AOAH: variants seen among roughly 807,000 people sequenced by gnomAD.
The protein encoded by AOAH is acyloxyacyl hydrolase (neutrophil).
A neutral mutation model predicts 92.2 loss-of-function variants in AOAH; 64 were observed. The ratio of observed to expected loss-of-function variants is 0.69; its 90% CI spans 0.57 to 0.86. The LOEUF is 0.86. Among genes scored for constraint, AOAH ranks in the 40% least tolerant of loss-of-function variants. AOAH has a pLI of 0.00. For missense variants in AOAH, 656 were observed against 694.6 expected (o/e 0.94, Z 0.62); for synonymous variants, 263 against 254.5 (o/e 1.03, Z -0.32).
chr7:36,593,672 T>C (rs1263387325), intron 12 of AOAH, among the ~76,000 whole-genome samples: 4 of 152,244 alleles, frequency 2.6e-5, no homozygotes, highest in Non-Finnish European at 5.9e-5. Flanking sequence ...TTGCCTCTCA[T>C]ATCTGTGACA....
chr7:36,640,758 T>A (rs909509290), intron 4 of AOAH, among the ~76,000 whole-genome samples: 7 of 151,938 alleles, frequency 4.6e-5, no homozygotes, highest in African/African-American at 1.7e-4. Context: ...TACCCAACAA[T>A]AAAGTGAATA....
Position 36,591,900 on chromosome 7 carries a change from GT to G in AOAH, c.938+2438del, listed in dbSNP as rs199993138. On this transcript the variant is annotated intron_variant, in intron 12 of 20. Transcript: ENST00000617537. ...GAGATGAGGAAACATGTTTTTATCT[GT>G]TTGCTGGGCATGGTGAATGGATTCC... is the stretch of plus-strand genomic sequence containing the variant. Among the ~76,000 whole-genome samples, 205 of 152,326 alleles carry G rather than the reference GT, an allele frequency of 1.3e-3. 3 individuals are homozygous for G. The East Asian group carries it at 0.027, about 20-fold the overall frequency.
intron 20 of AOAH, among the ~76,000 whole-genome samples, chr7:36,518,767 C>A (rs912279317): frequency 6.6e-6 from 1 of 152,142 alleles, no homozygotes; most frequent in Non-Finnish European, 1.5e-5. Context: ...AAGCCAGAAG[C>A]GGTTTCAGAG....
At chr7:36,678,652 T>C (rs2116702564) in intron 2 of AOAH, among the ~76,000 whole-genome samples, 1 of 150,306 alleles carries the variant, frequency 6.7e-6, no homozygotes, top group Non-Finnish European at 1.5e-5. Context: ...AGAGGATGGC[T>C]GCAGGTTCCT....
chr7:36,686,809 A>G lies in AOAH; in HGVS notation c.128-15T>C, dbSNP rs1797047055. On this transcript the variant is annotated splice_polypyrimidine_tract_variant and intron_variant, in intron 1 of 20. Coordinates refer to ENST00000617537, the MANE Select transcript of AOAH (RefSeq NM_001637.4). ...CAGCACACACCCTGCCAGGGAGGAGAAGAACATGTAATCTGTGTCACACAG... is the reference window on the plus strand; with the variant it reads ...CAGCACACACCCTGCCAGGGAGGAGGAGAACATGTAATCTGTGTCACACAG... The G allele has an allele frequency of 2.7e-6, 4 of 1,508,414 alleles. No individual in the cohort carries two copies. Among genetic ancestry groups the G allele is most frequent in the Admixed American group, 2.2e-5 (1 of 46,470 alleles). The allele number at this position is 1,508,414 out of a possible 1,614,324, so 93.4% of individuals were successfully genotyped here.
chr7:36,649,773 T>C (rs1216853690), intron 4 of AOAH, among the ~76,000 whole-genome samples: 1 of 152,174 alleles, frequency 6.6e-6, no homozygotes, highest in African/African-American at 2.4e-5. Flanking sequence ...ACCACTGCTG[T>C]TTGCCGCCGT....
intron 19 of AOAH, among the ~76,000 whole-genome samples, chr7:36,528,768 AAAG>A: frequency 6.6e-6 from 1 of 152,278 alleles, no homozygotes; most frequent in South Asian, 2.1e-4. Flanking sequence ...GCTAATAAAA[AAAG>A]ATGTTTTGTT....
chr7:36,587,271 C>CAA (rs57475443), intron 12 of AOAH, among the ~76,000 whole-genome samples: 36 of 84,766 alleles, frequency 4.2e-4, no homozygotes, highest in Admixed American at 8.0e-4. Context: ...GACTCCGTCT[C>CAA]AAAAAAAAAA....
intron 1 of AOAH, among the ~76,000 whole-genome samples, chr7:36,711,689 G>C (rs1006644811): frequency 2.6e-5 from 4 of 152,228 alleles, no homozygotes; most frequent in African/African-American, 9.6e-5. Context: ...GCAGAGGGCA[G>C]TAGCTGTGTC....
chr7:36,547,242 C>T (rs1033447920), intron 15 of AOAH, among the ~76,000 whole-genome samples: 2 of 152,182 alleles, frequency 1.3e-5, no homozygotes, highest in Admixed American at 6.5e-5. Flanking sequence ...CAGAATGTAG[C>T]CTTGGCCAAC....
chr7:36,718,589 A>C (rs1279282620), intron 1 of AOAH, among the ~76,000 whole-genome samples: 1 of 152,254 alleles, frequency 6.6e-6, no homozygotes, highest in African/African-American at 2.4e-5. Flanking sequence ...AACAAAACCA[A>C]GTATGTCCAT....
At chr7:36,680,033 T>C (rs972147938) in intron 2 of AOAH, among the ~76,000 whole-genome samples, 1 of 152,220 alleles carries the variant, frequency 6.6e-6, no homozygotes, top group Admixed American at 6.5e-5. Flanking sequence ...ATGAAGTGCC[T>C]TCTTTCTTTT....
Position 36,724,359 on chromosome 7 carries a change from CTT to C in AOAH, c.-213_-212del, listed in dbSNP as rs1440687143. 2.2e-6 allele frequency: 1 copy of C among 444,620 alleles called. No homozygotes were observed. The highest frequency in any genetic ancestry group is 4.1e-6 in the Non-Finnish European group (1 of 243,708). 27.5% of individuals were successfully genotyped at this position (444,620 alleles called of 1,614,324 possible). Reference sequence around the variant, plus strand: ...AACACTCACAGACCCACAGCTTGCTCTTGTTGGACCCTGAGAGAGCCACACAC... The same window carrying C: ...AACACTCACAGACCCACAGCTTGCTCGTTGGACCCTGAGAGAGCCACACAC... On this transcript the variant is annotated 5_prime_UTR_variant, in exon 1 of 21. Transcript: ENST00000617537.
intron 16 of AOAH, among the ~76,000 whole-genome samples, chr7:36,532,949 T>C (rs540574537): frequency 6.6e-6 from 1 of 152,318 alleles, no homozygotes; most frequent in Non-Finnish European, 1.5e-5. Flanking sequence ...CAGTACCTCA[T>C]GTCTCTGTGG....
At chr7:36,696,179 C>T (rs1268999480) in intron 1 of AOAH, among the ~76,000 whole-genome samples, 1 of 152,188 alleles carries the variant, frequency 6.6e-6, no homozygotes, top group African/African-American at 2.4e-5. Context: ...GTATCAGTTA[C>T]TGTAGTACTT....
rs755343712 is a variant in AOAH, at chr7:36,513,400, G to A, written c.1600-20C>T. On this transcript the variant is annotated intron_variant, in intron 20 of 20. Coordinates refer to ENST00000617537, the MANE Select transcript of AOAH (RefSeq NM_001637.4). ...AGCCACCTGTGAGAGAGAACCCAAA[G>A]GACGAGGAAAAGGGAAATTAGGACA... 7 of 1,609,316 alleles carry A rather than the reference G, an allele frequency of 4.3e-6. No homozygotes were observed. In the Admixed American group the frequency reaches 1.0e-4, roughly 23 times the overall value.
intron 2 of AOAH, among the ~76,000 whole-genome samples, chr7:36,679,769 T>C (rs929710474): frequency 6.6e-6 from 1 of 152,152 alleles, no homozygotes; most frequent in Non-Finnish European, 1.5e-5. Context: ...GCAATTCTTC[T>C]GCGTCAGCCT....
rs1783747610 is a variant in AOAH, at chr7:36,516,835, A to C, written c.1600-3455T>G. ...GGGAGGAGACAGGGTGAGGGCAAGA[A>C]GAGGGAAACGAAAATGAAAGAGCTC... On this transcript the variant is annotated intron_variant, in intron 20 of 20. Transcript: ENST00000617537. The surrounding 1 kb of genome is among the most constrained non-coding windows in gnomAD (Gnocchi z 5.0). Among the ~76,000 whole-genome samples the C allele has an allele frequency of 6.6e-6, 1 of 152,240 alleles. No individual in the cohort carries two copies. Among genetic ancestry groups the C allele is most frequent in the South Asian group, 2.1e-4 (1 of 4,832 alleles).
chr7:36,601,330 T>C (rs1790567767), intron 11 of AOAH, among the ~76,000 whole-genome samples: 1 of 151,864 alleles, frequency 6.6e-6, no homozygotes, highest in African/African-American at 2.4e-5. Flanking sequence ...CTATGATTCA[T>C]TATACACACA....
Sources: gnomAD v4.1 joint callset for allele counts (sites outside exome capture counted in the v4.1 genomes callset) on GRCh38, gnomAD v4.1.1 for gene constraint, Gnocchi (gnomAD v3.1) non-coding constraint, MANE v1.5 for transcripts, NCBI Gene and HGNC (gene_info 2026-07-23, HGNC 2026-07-21) for gene names.